Variants in LRRC75B observed in about 807,000 individuals in gnomAD.
LRRC75B encodes leucine rich repeat containing 75B, also known as leucine-rich repeat-containing protein 75B.
LRRC75B carries 20 observed loss-of-function variants against 16.5 expected under a neutral mutation model. The ratio of observed to expected loss-of-function variants is 1.21; its 90% CI spans 0.85 to 1.76. The LOEUF is 1.76. Among genes scored for constraint, LRRC75B ranks in the 40% most tolerant of loss-of-function variants. The pLI, the probability that LRRC75B is intolerant of heterozygous loss-of-function variation, is 0.00. For missense variants in LRRC75B, 406 were observed against 417.0 expected (o/e 0.97, Z 0.23); for synonymous variants, 199 against 198.1 (o/e 1.00, Z -0.04).
chr22:24,591,006 C>T (rs958768039), intron 1 of LRRC75B, among the ~76,000 whole-genome samples: 9 of 152,242 alleles, frequency 5.9e-5, no homozygotes, highest in African/African-American at 2.2e-4. Flanking sequence ...CTGCCCTGGC[C>T]TTCCTGCCTC....
intron 3 of LRRC75B, 105 bp from the exon 4 acceptor site, chr22:24,586,516 A>G: frequency 8.3e-7 from 1 of 1,201,388 alleles, no homozygotes; most frequent in African/African-American, 1.5e-5. Flanking sequence ...AGTCTGGCAA[A>G]GCCAGATTCA....
intron 1 of LRRC75B, 111 bp from the exon 2 acceptor site, chr22:24,590,060 C>T (rs1205771012): frequency 3.0e-5 from 39 of 1,284,368 alleles, no homozygotes; most frequent in Non-Finnish European, 4.0e-5. Flanking sequence ...CCATCTCCTC[C>T]CTAAGGCTGG....
In LRRC75B at chr22:24,589,885, G is replaced by T. The variant is rs150007743; in HGVS notation, c.242C>A (p.Pro81Gln). Reference sequence around the variant, plus strand: ...CAGGTCATGGGAGATGGGGTCGACCGGGTTGAGGAAGGCCACATCTCTGTA... The same window carrying T: ...CAGGTCATGGGAGATGGGGTCGACCTGGTTGAGGAAGGCCACATCTCTGTA... The part of the protein sequence containing the change: ...ILYRDVAFLN[P>Q]VDPISHDLLV... The change falls in exon 2 of 4, where the codon CCG (proline) becomes CAG (glutamine). Residue 81 changes from proline (P) to glutamine (Q), a missense_variant. Coordinates refer to ENST00000318753, the MANE Select transcript of LRRC75B (RefSeq NM_207644.3). The T allele has an allele frequency of 1.5e-4, 250 of 1,613,676 alleles. No individual in the cohort carries two copies. Among genetic ancestry groups the T allele is most frequent in the Non-Finnish European group, 2.1e-4 (242 of 1,179,860 alleles).
Position 24,589,410 on chromosome 22 carries a change from G to A in LRRC75B, c.306+411C>T, listed in dbSNP as rs917208455. 8 of 1,047,136 alleles carry A rather than the reference G, an allele frequency of 7.6e-6. No individual in the cohort carries two copies. In the South Asian group the frequency reaches 1.3e-4, roughly 17 times the overall value. The allele number at this position is 1,047,136 out of a possible 1,614,324, so 64.9% of individuals were successfully genotyped here. ...GATGGAGACCTGCGGACAGACGGGG[G>A]CTCTAGCCGAGAGCGGCTCTCTTCT... On this transcript the variant is annotated intron_variant, in intron 2 of 3. Coordinates refer to ENST00000318753, the MANE Select transcript of LRRC75B (RefSeq NM_207644.3).
chr22:24,588,245 A>T lies in LRRC75B; in HGVS notation c.391T>A (p.Ser131Thr), dbSNP rs2045457308. Residue 131 changes from serine (S) to threonine (T), a missense_variant, in exon 3 of 4, where the codon TCC becomes ACC. Coordinates refer to ENST00000318753, the MANE Select transcript of LRRC75B (RefSeq NM_207644.3). ...LTPHSKQQQG[S>T]SLRQRKTQSC... ...TGGGTCTTCCTCTGGCGCAGGCTGG[A>T]CCCTTGCTGCTGCTTCGAGTGAGGG... 1.9e-6 allele frequency: 3 copies of T among 1,613,180 alleles called. No individual in the cohort carries two copies. In the South Asian group the frequency reaches 3.3e-5, roughly 18 times the overall value.
chr22:24,589,502 G>A (rs73402987), intron 2 of LRRC75B: 9,555 of 519,332 alleles, frequency 0.018, 841 homozygotes, highest in African/African-American at 0.18. Flanking sequence ...TCTGTGACCC[G>A]CAGGGTCCCC....
At chr22:24,587,171 TCTC>T (rs2045419391) in intron 3 of LRRC75B, among the ~76,000 whole-genome samples, 1 of 152,044 alleles carries the variant, frequency 6.6e-6, no homozygotes, top group Non-Finnish European at 1.5e-5. Context: ...AGGGAGAAAT[TCTC>T]CTACAAAGGG....
In LRRC75B at chr22:24,586,004, TA is replaced by T; in HGVS notation, c.829del (p.Tyr277ThrfsTer52). Reference sequence around the variant, plus strand: ...CTCAGGCTCAAGGTCCAGGCCCTCGTAGATGGTGGGGAGTGAGGTGCGCTGG... The same window carrying T: ...CTCAGGCTCAAGGTCCAGGCCCTCGTGATGGTGGGGAGTGAGGTGCGCTGG... ...LSQRTSLPTI[Y>X]EGLDLEPEGS... On this transcript the variant is annotated frameshift_variant, in exon 4 of 4. Coordinates refer to ENST00000318753, the MANE Select transcript of LRRC75B (RefSeq NM_207644.3). LOFTEE classifies it low-confidence loss of function (END_TRUNC). 1 of 1,610,848 alleles carries T rather than the reference TA, an allele frequency of 6.2e-7. No individual in the cohort carries two copies. Among genetic ancestry groups the T allele is most frequent in the South Asian group, 1.1e-5 (1 of 91,062 alleles).
At chr22:24,590,674 G>A (rs2147167788) in intron 1 of LRRC75B, among the ~76,000 whole-genome samples, 1 of 152,222 alleles carries the variant, frequency 6.6e-6, no homozygotes, top group East Asian at 1.9e-4. Context: ...CCTATCCCTT[G>A]GTTTTCCTAA....
At chr22:24,587,471 CCT>C (rs1475231621) in intron 3 of LRRC75B, among the ~76,000 whole-genome samples, 1 of 152,190 alleles carries the variant, frequency 6.6e-6, no homozygotes, top group Non-Finnish European at 1.5e-5. Flanking sequence ...CAGGGAACAA[CCT>C]TGTGGGGTCC....
chr22:24,590,523 T>G lies in LRRC75B; in HGVS notation c.178-574A>C, dbSNP rs141087085. On this transcript the variant is annotated intron_variant, in intron 1 of 3. Transcript: ENST00000318753. Reference sequence around the variant, plus strand: ...GTTCCCTTGAGGTAGTGTTGTGCTGTGACACTGCCTTCTCTGGGGTTAGGA... The same window carrying G: ...GTTCCCTTGAGGTAGTGTTGTGCTGGGACACTGCCTTCTCTGGGGTTAGGA... 1.4e-3 allele frequency among the ~76,000 whole-genome samples: 207 copies of G among 152,270 alleles called. 1 individual carries two copies. The highest frequency in any genetic ancestry group is 4.7e-3 in the African/African-American group (194 of 41,540).
At chr22:24,588,087 T>G in intron 3 of LRRC75B, 127 bp downstream of exon 3, 1 of 721,046 alleles carries the variant, frequency 1.4e-6, no homozygotes. Flanking sequence ...AGGGCCCTCA[T>G]GCGGACCAGG....
chr22:24,586,917 T>G (rs537443280), intron 3 of LRRC75B, among the ~76,000 whole-genome samples: 264 of 152,362 alleles, frequency 1.7e-3, no homozygotes, highest in African/African-American at 6.1e-3. Flanking sequence ...GTGGTTGTTG[T>G]GAGGATTAAA....
In LRRC75B at chr22:24,588,402, C is replaced by G. The variant is rs142023409; in HGVS notation, c.307-73G>C. The G allele has an allele frequency of 9.9e-4, 1,179 of 1,188,408 alleles. 9 individuals are homozygous for G. In the African/African-American group the frequency reaches 0.016, roughly 16 times the overall value. 73.6% of individuals were successfully genotyped at this position (1,188,408 alleles called of 1,614,324 possible). ...ACCTCAGGGCCTTGGGGAGAGGGAC[C>G]CAGGCAGCCAAGTGTGTGTGTGAGC... On this transcript the variant is annotated intron_variant, in intron 2 of 3. Transcript: ENST00000318753.
chr22:24,587,664 GAGAGGGACCCATGGC>G (rs1370831495), intron 3 of LRRC75B, among the ~76,000 whole-genome samples: 1 of 152,192 alleles, frequency 6.6e-6, no homozygotes, highest in Non-Finnish European at 1.5e-5. Flanking sequence ...TGGAGTGTCT[GAGAGGGACCCATGGC>G]AGAGGGAGCT....
intron 1 of LRRC75B, among the ~76,000 whole-genome samples, chr22:24,590,216 T>A (rs770166167): frequency 2.0e-5 from 3 of 152,164 alleles, no homozygotes; most frequent in African/African-American, 2.4e-5. Flanking sequence ...CAGTGTAACA[T>A]CTGCCTCCTC....
At chr22:24,588,551 A>T in intron 2 of LRRC75B, 1 of 762,642 alleles carries the variant, frequency 1.3e-6, no homozygotes. Flanking sequence ...AGGCTGGTCC[A>T]GTCCCGCAGT....
In LRRC75B at chr22:24,588,330, C is replaced by G; in HGVS notation, c.307-1G>C. On this transcript the variant is annotated splice_acceptor_variant, in intron 2 of 3. Coordinates refer to ENST00000318753, the MANE Select transcript of LRRC75B (RefSeq NM_207644.3). LOFTEE classifies it high-confidence loss of function. ...CCGAGGACTTCCAGAGCTCATAGTC[C>G]TGTGGGAGGGCAGTGTCACCATGGT... The G allele has an allele frequency of 6.2e-7, 1 of 1,609,138 alleles. No homozygotes were observed. Among genetic ancestry groups the G allele is most frequent in the Non-Finnish European group, 8.5e-7 (1 of 1,176,656 alleles).
At chr22:24,586,521 G>A in intron 3 of LRRC75B, 110 bp from the exon 4 acceptor site, 9 of 1,141,226 alleles carry the variant, frequency 7.9e-6, no homozygotes, top group Non-Finnish European at 1.1e-5. Flanking sequence ...GGCAAAGCCA[G>A]ATTCAAACTG....
Sources: gnomAD v4.1 joint callset for allele counts (sites outside exome capture counted in the v4.1 genomes callset) on GRCh38, gnomAD v4.1.1 for gene constraint, MANE v1.5 for transcripts, NCBI Gene and HGNC (gene_info 2026-07-23, HGNC 2026-07-21) for gene names.